The following TRAF7 variants were observed in gnomAD, a reference collection of about 807,000 sequenced individuals.
TRAF7 encodes the protein E3 ubiquitin-protein ligase TRAF7.
TRAF7 carries 45 observed loss-of-function variants against 89.3 expected under a neutral mutation model. The observed-to-expected ratio is 0.50, with a 90% CI of 0.40 to 0.65. The LOEUF (loss-of-function observed/expected upper bound fraction) is 0.65. Ranked by LOEUF, TRAF7 falls within the 30% of genes least tolerant of loss-of-function variation. The probability of loss-of-function intolerance (pLI) is 0.00; values close to 1 mark genes in which losing one functional copy is unlikely to be tolerated. For synonymous variants in TRAF7, 406 were observed against 369.2 expected, an observed-to-expected ratio of 1.10 and a Z score of -1.14; for missense variants, 677 against 918.1, an observed-to-expected ratio of 0.74 and a Z score of 3.39.
Position 2,176,647 on chromosome 16 carries a change from G to A in TRAF7, c.*73G>A. 1 of 1,610,494 alleles carries A rather than the reference G, an allele frequency of 6.2e-7. No individual in the cohort carries two copies. Among genetic ancestry groups the A allele is most frequent in the South Asian group, 1.1e-5 (1 of 90,898 alleles). ...TTCTGAGCCAGGCTGGCCACATGGG[G>A]TGGTCTCGGGGTTTCTGCCTGCCCC... On this transcript the variant is annotated 3_prime_UTR_variant, in exon 21 of 21. Coordinates refer to ENST00000326181, the MANE Select transcript of TRAF7 (RefSeq NM_032271.3).
At chr16:2,160,884 C>T (rs1364174492) in intron 1 of TRAF7, among the ~76,000 whole-genome samples, 1 of 152,078 alleles carries the variant, frequency 6.6e-6, no homozygotes, top group Non-Finnish European at 1.5e-5. Context: ...AAAAGCCTCC[C>T]AGCCATCAGG....
chr16:2,174,069 G>A, intron 13 of TRAF7, 21 bp downstream of exon 13: 2 of 1,611,682 alleles, frequency 1.2e-6, no homozygotes, highest in Non-Finnish European at 1.7e-6. Context: ...TCCTACCTCA[G>A]TCTCTGCAGC....
At chr16:2,173,858 C>CGGGGGGGG in intron 12 of TRAF7, 22 bp downstream of exon 12, 12 of 1,598,946 alleles carry the variant, frequency 7.5e-6, no homozygotes, top group African/African-American at 1.4e-5. Flanking sequence ...CCCGCCGTGG[C>CGGGGGGGG]TCCCGCCCAC....
rs757411543 is a variant in TRAF7 at position 2,163,999 on chromosome 16, G to A, written c.79G>A (p.Gly27Arg). 6.2e-7 allele frequency: 1 copy of A among 1,610,656 alleles called. No individual in the cohort carries two copies. The highest frequency in any genetic ancestry group is 2.2e-5 in the East Asian group (1 of 44,814). The change falls in exon 2 of 21, where the codon GGG becomes AGG. Residue 27 changes from glycine (G) to arginine (R), a missense_variant and splice_region_variant. This residue lies in a region of TRAF7 where 240 missense variants were observed against 191.9 expected (regional missense o/e 1.25). Coordinates refer to ENST00000326181, the MANE Select transcript of TRAF7 (RefSeq NM_032271.3). This position sits in a 1 kb window ranked among gnomAD's most constrained non-coding sequence, Gnocchi z 4.3. ...TCTTCCCACCCCAGACGTCACCACA[G>A]GGGTAAGGGTGTGCCCCTCTGCAAG... ...SNLPTPDVTT[G>R]TRMETTFGPA...
chr16:2,170,010 C>A (rs1196280031), intron 4 of TRAF7, among the ~76,000 whole-genome samples: 1 of 152,208 alleles, frequency 6.6e-6, no homozygotes, highest in Non-Finnish European at 1.5e-5. Context: ...CTCCCCCAGG[C>A]TCCCTTGTCG....
Position 2,156,630 on chromosome 16 carries a change from A to G in TRAF7, c.-39+772A>G, listed in dbSNP as rs375983843. On this transcript the variant is annotated intron_variant, in intron 1 of 20. Coordinates refer to ENST00000326181, the MANE Select transcript of TRAF7 (RefSeq NM_032271.3). Reference sequence around the variant, plus strand: ...TCCAAGTAGAAAGAGCCAGATGTACATAGGCCTGGGGTGAGAAGGGGCCTG... The same window carrying G: ...TCCAAGTAGAAAGAGCCAGATGTACGTAGGCCTGGGGTGAGAAGGGGCCTG... Among the ~76,000 whole-genome samples, 31 of 148,570 alleles carry G rather than the reference A, an allele frequency of 2.1e-4. 2 individuals carry two copies. The highest frequency in any genetic ancestry group is 7.4e-4 in the African/African-American group (30 of 40,306).
rs970887601 is a variant in TRAF7 at position 2,161,358 on chromosome 16, T to C, written c.-38-2525T>C. 3.3e-5 allele frequency among the ~76,000 whole-genome samples: 5 copies of C among 152,164 alleles called. No homozygotes were observed. The highest frequency in any genetic ancestry group is 5.9e-5 in the Non-Finnish European group (4 of 67,996). ...GGCTGCTGTTGGCCAGCTGGGACTT[T>C]CTGGCTGATTTGCACATTGCCCTGC... On this transcript the variant is annotated intron_variant, in intron 1 of 20. Coordinates refer to ENST00000326181, the MANE Select transcript of TRAF7 (RefSeq NM_032271.3). This position sits in a 1 kb window ranked among gnomAD's most constrained non-coding sequence, Gnocchi z 5.2.
In TRAF7 at chr16:2,158,305, T is replaced by G. The variant is rs1035589276; in HGVS notation, c.-39+2447T>G. On this transcript the variant is annotated intron_variant, in intron 1 of 20. Coordinates refer to ENST00000326181, the MANE Select transcript of TRAF7 (RefSeq NM_032271.3). The surrounding 1 kb of genome is among the most constrained non-coding windows in gnomAD (Gnocchi z 4.7). ...TTAGTCTTTGACAGATCCGCTGCTG[T>G]CCCCAGCCTTGCTCCCTGGAGGAGG... Among the ~76,000 whole-genome samples, 1 of 152,124 alleles carries G rather than the reference T, an allele frequency of 6.6e-6. No individual in the cohort carries two copies. The highest frequency in any genetic ancestry group is 2.4e-5 in the African/African-American group (1 of 41,418).
At chr16:2,165,127 G>GCA (rs2093078440) in intron 2 of TRAF7, among the ~76,000 whole-genome samples, 1 of 132,158 alleles carries the variant, frequency 7.6e-6, no homozygotes, top group African/African-American at 3.1e-5. Context: ...TGCGTGGCCT[G>GCA]GCCTGGTCGC....
Position 2,170,747 on chromosome 16 carries a change from C to T in TRAF7, c.348+17C>T, listed in dbSNP as rs1428336807. On this transcript the variant is annotated intron_variant, in intron 5 of 20. Transcript: ENST00000326181. Reference sequence around the variant, plus strand: ...GAGGAGCCGGTAGGTGTGGGGGACTCGGCGCAGAGCGGCTTCCAGGGCTGT... The same window carrying T: ...GAGGAGCCGGTAGGTGTGGGGGACTTGGCGCAGAGCGGCTTCCAGGGCTGT... The T allele has an allele frequency of 5.7e-6, 9 of 1,578,408 alleles. No individual in the cohort carries two copies. The highest frequency in any genetic ancestry group is 2.7e-5 in the African/African-American group (2 of 74,012).
rs569578132 is a variant in TRAF7, at chr16:2,169,934, C to T, written c.232-680C>T. 6.6e-5 allele frequency among the ~76,000 whole-genome samples: 10 copies of T among 152,244 alleles called. No homozygotes were observed. The South Asian group carries it at 2.1e-3, about 32-fold the overall frequency. Reference sequence around the variant, plus strand: ...AAAGCACCAGGAGAGAAGCCTTGGGCAGTGTGGCTCTTGGAAACTTCTGGA... The same window carrying T: ...AAAGCACCAGGAGAGAAGCCTTGGGTAGTGTGGCTCTTGGAAACTTCTGGA... On this transcript the variant is annotated intron_variant, in intron 4 of 20. Transcript: ENST00000326181.
chr16:2,173,922 C>G lies in TRAF7; in HGVS notation c.1137C>G (p.Ser379=), dbSNP rs2093124665. 2 of 1,609,734 alleles carry G rather than the reference C, an allele frequency of 1.2e-6. No individual in the cohort carries two copies. The highest frequency in any genetic ancestry group is 8.5e-7 in the Non-Finnish European group (1 of 1,178,326). The stretch of plus-strand genomic sequence containing the variant: ...CACCCACTGCTCCCATCTCTGCAGC[C>G]TACGACCCTCAGCAGATCTTCAAGT... ...NARLNMGILG[S]YDPQQIFKCK... The change falls in exon 13 of 21, where the codon TCC becomes TCG. Residue 379 remains serine, a splice_region_variant and synonymous_variant. Transcript: ENST00000326181.
intron 12 of TRAF7, 21 bp downstream of exon 12, chr16:2,173,857 G>GCGGGGGCGGCCCCCCC: frequency 1.9e-6 from 3 of 1,607,484 alleles, no homozygotes; most frequent in Non-Finnish European, 2.5e-6. Context: ...ACCCGCCGTG[G>GCGGGGGCGGCCCCCCC]CTCCCGCCCA....
rs558073252 is a variant in TRAF7 at position 2,163,871 on chromosome 16, C to T, written c.-38-12C>T. The T allele has an allele frequency of 8.4e-5, 128 of 1,531,146 alleles. No individual in the cohort carries two copies. In the South Asian group the frequency reaches 1.4e-3, roughly 17 times the overall value. The allele number at this position is 1,531,146 out of a possible 1,614,324, so 94.8% of individuals were successfully genotyped here. On this transcript the variant is annotated splice_polypyrimidine_tract_variant and intron_variant, in intron 1 of 20. Coordinates refer to ENST00000326181, the MANE Select transcript of TRAF7 (RefSeq NM_032271.3). The surrounding 1 kb of genome is among the most constrained non-coding windows in gnomAD (Gnocchi z 4.3). ...CCATCTCTCAAGCCCCTCATTTGTG[C>T]TCCACCCACAGGAGGTGCTTCCCAA...
intron 17 of TRAF7, 35 bp downstream of exon 17, chr16:2,175,657 T>C: frequency 6.2e-7 from 1 of 1,603,854 alleles, no homozygotes; most frequent in Non-Finnish European, 8.5e-7. Flanking sequence ...CACAGGGCCT[T>C]GCCTCCTACC....
intron 7 of TRAF7, 54 bp from the exon 8 acceptor site, chr16:2,172,137 T>A (rs2093114299): frequency 8.1e-6 from 13 of 1,604,498 alleles, no homozygotes; most frequent in Admixed American, 3.4e-5. Flanking sequence ...CCCACCCGGG[T>A]GAGGGAGCGT....
In TRAF7 at chr16:2,159,545, A is replaced by AGGGGGCTGAGGC. The variant is rs2093049241; in HGVS notation, c.-39+3688_-39+3699dup. On this transcript the variant is annotated intron_variant, in intron 1 of 20. Coordinates refer to ENST00000326181, the MANE Select transcript of TRAF7 (RefSeq NM_032271.3). The surrounding 1 kb of genome is among the most constrained non-coding windows in gnomAD (Gnocchi z 6.5). ...GAATTTAGCGGCCTGGGCTTGGGCC[A>AGGGGGCTGAGGC]GGGGGCTGAGGCAGGGGCTGGGCTG... Among the ~76,000 whole-genome samples the AGGGGGCTGAGGC allele has an allele frequency of 6.6e-6, 1 of 151,294 alleles. No homozygotes were observed. The highest frequency in any genetic ancestry group is 2.4e-5 in the African/African-American group (1 of 41,312).
intron 2 of TRAF7, 112 bp from the exon 3 acceptor site, chr16:2,165,767 G>C: frequency 8.2e-7 from 1 of 1,215,574 alleles, no homozygotes; most frequent in Non-Finnish European, 1.2e-6. Context: ...TTAAGTGTGT[G>C]AGTGCTGCGT....
intron 2 of TRAF7, among the ~76,000 whole-genome samples, chr16:2,164,285 G>A (rs994383228): frequency 3.7e-4 from 55 of 150,450 alleles, no homozygotes; most frequent in South Asian, 1.1e-3. Context: ...GCATGGTTAA[G>A]CGTGTGAGTG....
Sources: allele counts gnomAD v4.1 joint callset (sites outside exome capture counted in the v4.1 genomes callset), GRCh38; gene constraint gnomAD v4.1.1; regional missense constraint gnomAD v4.1.1; non-coding constraint Gnocchi (gnomAD v3.1); transcripts MANE v1.5; gene names NCBI Gene and HGNC (gene_info 2026-07-23, HGNC 2026-07-21).